Variants in YY1 observed in about 807,000 individuals in gnomAD.
YY1 encodes transcriptional repressor protein YY1.
A neutral mutation model predicts 35.6 loss-of-function variants in YY1; 2 were observed. The observed-to-expected ratio is 0.06, with a 90% CI of 0.02 to 0.18. The LOEUF (loss-of-function observed/expected upper bound fraction) is 0.18. Among genes scored for constraint, YY1 ranks in the 10% least tolerant of loss-of-function variants. YY1 has a pLI of 1.00. For missense variants in YY1, 322 were observed against 573.4 expected, an observed-to-expected ratio of 0.56 and a Z score of 4.48; for synonymous variants, 268 against 238.9, an observed-to-expected ratio of 1.12 and a Z score of -1.12.
At chr14:100,270,123 T>G (rs552058021) in intron 2 of YY1, among the ~76,000 whole-genome samples, 156 of 150,040 alleles carry the variant, frequency 1.0e-3, no homozygotes, top group Non-Finnish European at 1.9e-3. Context: ...ATTAGCCTGG[T>G]GTGGTGGCAG....
chr14:100,239,334 C>T lies in YY1; in HGVS notation c.90C>T (p.Thr30=). The change falls in exon 1 of 5, where the codon ACC becomes ACT. Residue 30 remains threonine, a synonymous_variant. Coordinates refer to ENST00000262238, the MANE Select transcript of YY1 (RefSeq NM_003403.5). ...AGCTGCACGAGATCGAGGTGGAGACCATCCCGGTGGAGACCATCGAGACCA... is the reference window on the plus strand; with the variant it reads ...AGCTGCACGAGATCGAGGTGGAGACTATCCCGGTGGAGACCATCGAGACCA... The part of the protein sequence containing the change: ...IVELHEIEVE[T]IPVETIETTV... The T allele has an allele frequency of 6.2e-7, 1 of 1,605,258 alleles. No homozygotes were observed. The highest frequency in any genetic ancestry group is 1.7e-4 in the Middle Eastern group (1 of 6,032).
chr14:100,254,927 C>T (rs1361444233), intron 1 of YY1, among the ~76,000 whole-genome samples: 1 of 145,944 alleles, frequency 6.9e-6, no homozygotes, highest in Non-Finnish European at 1.5e-5. Context: ...GCGCCCGCCA[C>T]CACGCCCAGC....
At chr14:100,240,926 A>G (rs1365479113) in intron 1 of YY1, among the ~76,000 whole-genome samples, 1 of 152,180 alleles carries the variant, frequency 6.6e-6, no homozygotes, top group African/African-American at 2.4e-5. Context: ...CTTTGTAGAA[A>G]GGTATCTATT....
chr14:100,276,197 A>G lies in YY1; in HGVS notation c.904-293A>G, dbSNP rs1054921340. 17 of 406,134 alleles carry G rather than the reference A, an allele frequency of 4.2e-5. No individual in the cohort carries two copies. The highest frequency in any genetic ancestry group is 1.3e-4 in the South Asian group (6 of 45,464). 25.2% of individuals were successfully genotyped at this position (406,134 alleles called of 1,614,324 possible). A position where few individuals can be genotyped will look rare whatever the true frequency, so the allele number is the denominator to read the frequency against. ...GCTGGAAGCCAGGGTGTTGGGTTCT[A>G]TTCCCAGTTTGGCTACTACTAGTAG... On this transcript the variant is annotated intron_variant, in intron 3 of 4. Transcript: ENST00000262238. This position sits in a 1 kb window ranked among gnomAD's most constrained non-coding sequence, Gnocchi z 4.1.
rs1891329339 is a variant in YY1 at position 100,276,951 on chromosome 14, A to G, written c.1062+303A>G. The G allele has an allele frequency of 4.4e-6, 2 of 458,926 alleles. No individual in the cohort carries two copies. 28.4% of individuals were successfully genotyped at this position (458,926 alleles called of 1,614,324 possible). A position where few individuals can be genotyped will look rare whatever the true frequency, so the allele number is the denominator to read the frequency against. On this transcript the variant is annotated intron_variant, in intron 4 of 4. Transcript: ENST00000262238. This position sits in a 1 kb window ranked among gnomAD's most constrained non-coding sequence, Gnocchi z 4.1. Reference sequence around the variant, plus strand: ...ACTCAATTTCTACTTCATTCATTACAGGATTGAAGTAATTTATTTTTGGTA... The same window carrying G: ...ACTCAATTTCTACTTCATTCATTACGGGATTGAAGTAATTTATTTTTGGTA...
At chr14:100,271,106 G>A (rs558725960) in intron 2 of YY1, among the ~76,000 whole-genome samples, 1 of 152,158 alleles carries the variant, frequency 6.6e-6, no homozygotes, top group South Asian at 2.1e-4. Flanking sequence ...TATTAGCCGG[G>A]CATAGTGGCG....
Position 100,279,567 on chromosome 14 carries a change from T to G in YY1, c.*1967T>G, listed in dbSNP as rs1482877750. ...GTTTTCTGGGTAAGCCAGGCTTTGCTGTATCTGGCAGTCAGGAGAGAGGTC... is the reference window on the plus strand; with the variant it reads ...GTTTTCTGGGTAAGCCAGGCTTTGCGGTATCTGGCAGTCAGGAGAGAGGTC... On this transcript the variant is annotated 3_prime_UTR_variant, in exon 5 of 5. Coordinates refer to ENST00000262238, the MANE Select transcript of YY1 (RefSeq NM_003403.5). The G allele has an allele frequency of 2.0e-5, 3 of 152,284 alleles. No homozygotes were observed. The highest frequency in any genetic ancestry group is 7.2e-5 in the African/African-American group (3 of 41,478). 9.4% of individuals were successfully genotyped at this position (152,284 alleles called of 1,614,324 possible).
chr14:100,239,720 G>A lies in YY1; in HGVS notation c.476G>A (p.Ser159Asn), dbSNP rs752652665. The change falls in exon 1 of 5, where the codon AGC (serine) becomes AAC (asparagine). Residue 159 changes from serine to asparagine, a missense_variant. Physicochemically the swap from Ser to Asn is conservative, Grantham distance 46. This residue lies in a region of YY1 where 152 missense variants were observed against 167.1 expected (regional missense o/e 0.91). Coordinates refer to ENST00000262238, the MANE Select transcript of YY1 (RefSeq NM_003403.5). Reference protein sequence around the residue: ...TLVTVAAAGKSGGGGSSSSGG... With the variant: ...TLVTVAAAGKNGGGGSSSSGG... ...GTCACCGTGGCGGCGGCCGGCAAGA[G>A]CGGCGGCGGCGGCTCGTCGTCGTCG... The A allele has an allele frequency of 1.9e-6, 3 of 1,590,618 alleles. No individual in the cohort carries two copies. The highest frequency in any genetic ancestry group is 1.7e-4 in the Middle Eastern group (1 of 5,950).
chr14:100,248,702 T>TTA (rs1270098049), intron 1 of YY1, among the ~76,000 whole-genome samples: 4 of 143,130 alleles, frequency 2.8e-5, no homozygotes, highest in African/African-American at 7.8e-5. Flanking sequence ...TTTTTTTTTT[T>TTA]ATTGAAACGG....
At chr14:100,273,690 C>T (rs1891279146) in intron 2 of YY1, among the ~76,000 whole-genome samples, 1 of 151,980 alleles carries the variant, frequency 6.6e-6, no homozygotes, top group African/African-American at 2.4e-5. Context: ...TAAATATGAA[C>T]CATCATGGAG....
chr14:100,274,821 A>G (rs1891296484), intron 3 of YY1, 63 bp downstream of exon 3: 8 of 1,497,650 alleles, frequency 5.3e-6, no homozygotes, highest in Middle Eastern at 1.7e-4. Context: ...GAGTTATAAG[A>G]AATTTGCACT....
At chr14:100,242,607 C>T (rs1302539946) in intron 1 of YY1, among the ~76,000 whole-genome samples, 1 of 151,990 alleles carries the variant, frequency 6.6e-6, no homozygotes, top group Non-Finnish European at 1.5e-5. Context: ...CCAGGATGGT[C>T]TTGATCTCCT....
chr14:100,243,769 A>C (rs573083368), intron 1 of YY1, among the ~76,000 whole-genome samples: 4 of 150,274 alleles, frequency 2.7e-5, no homozygotes, highest in African/African-American at 9.8e-5. Context: ...TGATTACACC[A>C]CTGTACTCCA....
chr14:100,258,941 C>T (rs1373094044), intron 1 of YY1, among the ~76,000 whole-genome samples: 1 of 152,204 alleles, frequency 6.6e-6, no homozygotes, highest in East Asian at 1.9e-4. Flanking sequence ...CAGCTTTGCT[C>T]TGAGGTCAGA....
intron 1 of YY1, among the ~76,000 whole-genome samples, 180 bp downstream of exon 1, chr14:100,240,103 T>C (rs960780028): frequency 4.2e-5 from 6 of 142,002 alleles, no homozygotes; most frequent in African/African-American, 1.3e-4. Context: ...GCCGCGAAGA[T>C]GGCGGCAGGC....
intron 2 of YY1, among the ~76,000 whole-genome samples, chr14:100,266,233 G>A (rs1891153146): frequency 6.6e-6 from 1 of 152,142 alleles, no homozygotes; most frequent in East Asian, 1.9e-4. Flanking sequence ...TGAGATTTGG[G>A]TGAGGACGCA....
chr14:100,250,840 TA>T (rs77056939), intron 1 of YY1, among the ~76,000 whole-genome samples: 3,217 of 118,686 alleles, frequency 0.027, 102 homozygotes, highest in African/African-American at 0.08. Flanking sequence ...CACAGAAAAT[TA>T]AAAAAAAAAA....
chr14:100,262,694 G>A (rs572588942), intron 2 of YY1, among the ~76,000 whole-genome samples: 1 of 152,186 alleles, frequency 6.6e-6, no homozygotes, highest in South Asian at 2.1e-4. Context: ...TCGACTCACT[G>A]CAGCCTCTGC....
chr14:100,254,940 A>ATTTTTTTTTTTTTT (rs35165026), intron 1 of YY1, among the ~76,000 whole-genome samples: 7 of 29,584 alleles, frequency 2.4e-4, no homozygotes, highest in African/African-American at 7.3e-4. Context: ...CGCCCAGCTA[A>ATTTTTTTTTTTTTT]TTTTTTTTTT....
Sources: allele counts gnomAD v4.1 joint callset (sites outside exome capture counted in the v4.1 genomes callset), GRCh38; gene constraint gnomAD v4.1.1; regional missense constraint gnomAD v4.1.1; non-coding constraint Gnocchi (gnomAD v3.1); transcripts MANE v1.5; gene names NCBI Gene and HGNC (gene_info 2026-07-23, HGNC 2026-07-21).